Variants in ATXN7L1 observed in about 807,000 individuals in gnomAD.
ATXN7L1 encodes ataxin 7 like 1, also known as ataxin-7-like protein 1.
Under a neutral mutation model 70.8 loss-of-function variants are expected in ATXN7L1, and 15 were observed. The ratio of observed to expected loss-of-function variants is 0.21; its 90% CI spans 0.14 to 0.33. The LOEUF is 0.33. ATXN7L1 is among the 10% of genes least tolerant of loss of function. ATXN7L1 has a pLI of 1.00. For missense variants in ATXN7L1, 975 were observed against 1,097.1 expected, an observed-to-expected ratio of 0.89 and a Z score of 1.57; for synonymous variants, 440 against 445.1, an observed-to-expected ratio of 0.99 and a Z score of 0.14.
chr7:105,733,328 G>A (rs1214934011), intron 3 of ATXN7L1, among the ~76,000 whole-genome samples: 3 of 152,178 alleles, frequency 2.0e-5, no homozygotes, highest in Admixed American at 1.3e-4. Context: ...ATTCTTTAAA[G>A]CTCAGAAAGT....
At chr7:105,639,163 CGCT>C (rs1404546976) in intron 6 of ATXN7L1, among the ~76,000 whole-genome samples, 2 of 152,168 alleles carry the variant, frequency 1.3e-5, no homozygotes, top group South Asian at 2.1e-4. Flanking sequence ...CCGCCGCCGC[CGCT>C]GCCGCTGCTC....
At chr7:105,655,284 C>T (rs920660915) in intron 4 of ATXN7L1, among the ~76,000 whole-genome samples, 3 of 152,220 alleles carry the variant, frequency 2.0e-5, no homozygotes, top group Admixed American at 6.5e-5. Context: ...CCGCAGCCCC[C>T]ACATGCTTCA....
chr7:105,701,715 T>C (rs1477091002), intron 3 of ATXN7L1, among the ~76,000 whole-genome samples: 1 of 152,176 alleles, frequency 6.6e-6, no homozygotes, highest in Non-Finnish European at 1.5e-5. Flanking sequence ...ATGCATTTTA[T>C]TTTTTTAGAG....
At chr7:105,690,306 A>G (rs1183670582) in intron 3 of ATXN7L1, among the ~76,000 whole-genome samples, 1 of 152,118 alleles carries the variant, frequency 6.6e-6, no homozygotes, top group East Asian at 1.9e-4. Flanking sequence ...CGCCCAGCAA[A>G]AAAAAGCATT....
At chr7:105,728,844 C>A (rs553992806) in intron 3 of ATXN7L1, among the ~76,000 whole-genome samples, 1 of 152,216 alleles carries the variant, frequency 6.6e-6, no homozygotes, top group South Asian at 2.1e-4. Flanking sequence ...ACACAAGAAC[C>A]ACTTGAAAGA....
At chr7:105,849,151 A>G (rs2116626135) in intron 2 of ATXN7L1, among the ~76,000 whole-genome samples, 1 of 152,362 alleles carries the variant, frequency 6.6e-6, no homozygotes, top group African/African-American at 2.4e-5. Context: ...CAGAGGGGAC[A>G]GGCCATCACC....
At chr7:105,636,000 T>C (rs1797299341) in intron 7 of ATXN7L1, among the ~76,000 whole-genome samples, 1 of 152,216 alleles carries the variant, frequency 6.6e-6, no homozygotes, top group Non-Finnish European at 1.5e-5. Context: ...CAGGGGATCT[T>C]GTCCTAAACT....
intron 5 of ATXN7L1, among the ~76,000 whole-genome samples, chr7:105,641,417 G>T (rs1798229960): frequency 6.6e-6 from 1 of 151,774 alleles, no homozygotes; most frequent in African/African-American, 2.4e-5. Flanking sequence ...GCTGTTGGCT[G>T]AGGGTAGGAG....
At chr7:105,673,134 C>T (rs1804032906) in intron 3 of ATXN7L1, among the ~76,000 whole-genome samples, 1 of 152,202 alleles carries the variant, frequency 6.6e-6, no homozygotes, top group Non-Finnish European at 1.5e-5. Flanking sequence ...CAGTTTGCTC[C>T]CCTCACTCTC....
intron 3 of ATXN7L1, among the ~76,000 whole-genome samples, chr7:105,731,086 A>T (rs1007130820): frequency 2.0e-5 from 3 of 152,162 alleles, no homozygotes; most frequent in Non-Finnish European, 4.4e-5. Flanking sequence ...ACCTCATGTG[A>T]TGGGTCACAG....
Position 105,789,616 on chromosome 7 carries a change from G to C in ATXN7L1, c.251-908C>G, listed in dbSNP as rs542189599. On this transcript the variant is annotated intron_variant, in intron 2 of 11. Transcript: ENST00000419735. ...AAGTTTGAAGCTGAAGCCAAGGAAG[G>C]AGGCTCTGTGCATGGAGGGAGTCTT... 2.4e-4 allele frequency among the ~76,000 whole-genome samples: 37 copies of C among 152,226 alleles called. 1 individual carries two copies. In the South Asian group the frequency reaches 3.5e-3, roughly 15 times the overall value.
intron 9 of ATXN7L1, 99 bp downstream of exon 9, chr7:105,620,101 T>C: frequency 7.1e-7 from 1 of 1,406,860 alleles, no homozygotes; most frequent in Non-Finnish European, 9.7e-7. Context: ...ATCATTTTGT[T>C]CTATGAAAAG....
chr7:105,746,980 C>G (rs189430033), intron 3 of ATXN7L1, among the ~76,000 whole-genome samples: 5 of 152,140 alleles, frequency 3.3e-5, no homozygotes, highest in Admixed American at 3.3e-4. Flanking sequence ...TAGATACATG[C>G]GCTATCTGTC....
chr7:105,701,999 AGGCTATGG>A, intron 3 of ATXN7L1, among the ~76,000 whole-genome samples: 1 of 152,244 alleles, frequency 6.6e-6, no homozygotes. Context: ...TGGCAGCAGC[AGGCTATGG>A]GCCTCTCCAG....
At chr7:105,832,717 C>T (rs572156263) in intron 2 of ATXN7L1, among the ~76,000 whole-genome samples, 29 of 152,304 alleles carry the variant, frequency 1.9e-4, no homozygotes, top group African/African-American at 5.5e-4. Context: ...ATGTCCAGAA[C>T]GGAACTACTG....
chr7:105,835,149 G>GTTTTTTTTTTT (rs10587073), intron 2 of ATXN7L1, among the ~76,000 whole-genome samples: 5 of 67,334 alleles, frequency 7.4e-5, no homozygotes, highest in Non-Finnish European at 1.0e-4. Context: ...TAAGTGTGTG[G>GTTTTTTTTTTT]TTTTTTTTTT....
chr7:105,873,766 A>G (rs1354955889), intron 2 of ATXN7L1, among the ~76,000 whole-genome samples: 4 of 152,184 alleles, frequency 2.6e-5, no homozygotes, highest in African/African-American at 9.7e-5. Flanking sequence ...AGGACAAAGG[A>G]CCTAATAAGC....
chr7:105,657,179 C>T (rs923309290), intron 4 of ATXN7L1, among the ~76,000 whole-genome samples: 4 of 152,098 alleles, frequency 2.6e-5, no homozygotes, highest in South Asian at 2.1e-4. Flanking sequence ...TTCTCTGCAC[C>T]GCCTGATGCA....
At position 105,682,561 on chromosome 7, in the gene ATXN7L1, C is replaced by T. The variant is rs182814136; in HGVS notation, c.356-17273G>A. 3.3e-5 allele frequency among the ~76,000 whole-genome samples: 5 copies of T among 152,228 alleles called. No homozygotes were observed. In the South Asian group the frequency reaches 8.3e-4, roughly 25 times the overall value. ...ATCCATGGATGAGTGGATAAACAAA[C>T]ACTGTGCTACATACATACAATAAAA... On this transcript the variant is annotated intron_variant, in intron 3 of 11. Transcript: ENST00000419735.
Sources: allele counts gnomAD v4.1 joint callset (sites outside exome capture counted in the v4.1 genomes callset), GRCh38; gene constraint gnomAD v4.1.1; transcripts MANE v1.5; gene names NCBI Gene and HGNC (gene_info 2026-07-23, HGNC 2026-07-21).